The following DAB1 variants were observed in gnomAD, a reference collection of about 807,000 sequenced individuals.
DAB1 encodes disabled homolog 1.
In DAB1, 15 loss-of-function variants were observed where a neutral mutation model predicts 64.6. That is an observed-to-expected ratio of 0.23 (90% CI 0.16 to 0.36). The LOEUF (loss-of-function observed/expected upper bound fraction) is 0.36. DAB1 is among the 10% of genes least tolerant of loss of function. The pLI, the probability that DAB1 is intolerant of heterozygous loss-of-function variation, is 1.00. For synonymous variants in DAB1, 235 were observed against 251.9 expected (o/e 0.93, Z 0.64); for missense variants, 596 against 706.7 (o/e 0.84, Z 1.78).
chr1:58,392,165 C>G (rs1334771978), intron 3 of DAB1, among the ~76,000 whole-genome samples: 1 of 152,094 alleles, frequency 6.6e-6, no homozygotes, highest in Non-Finnish European at 1.5e-5. Flanking sequence ...GAGCTAAGCG[C>G]AGAGTTGAGG....
intron 9 of DAB1, among the ~76,000 whole-genome samples, chr1:57,039,598 T>G (rs910318133): frequency 6.6e-6 from 1 of 152,218 alleles, no homozygotes; most frequent in Non-Finnish European, 1.5e-5. Flanking sequence ...TCTAGGAGTC[T>G]GCCTCATCAT....
chr1:57,406,281 T>C (rs1428769849), intron 1 of DAB1, among the ~76,000 whole-genome samples: 1 of 152,226 alleles, frequency 6.6e-6, no homozygotes, highest in Non-Finnish European at 1.5e-5. Context: ...CTCAAAATAC[T>C]TAGATACTAA....
chr1:57,993,046 C>T (rs1292690679), intron 5 of DAB1, among the ~76,000 whole-genome samples: 3 of 152,142 alleles, frequency 2.0e-5, no homozygotes, highest in African/African-American at 7.2e-5. Context: ...AGTGGAGTAA[C>T]TTATCCAAGG....
intron 3 of DAB1, among the ~76,000 whole-genome samples, chr1:58,463,630 G>T (rs1645265912): frequency 6.6e-6 from 1 of 152,200 alleles, no homozygotes; most frequent in Admixed American, 6.5e-5. Context: ...GTGTGTACAT[G>T]TATCTACGGC....
At chr1:57,592,753 C>G (rs1013228697) in intron 7 of DAB1, among the ~76,000 whole-genome samples, 2 of 152,168 alleles carry the variant, frequency 1.3e-5, no homozygotes, top group Non-Finnish European at 2.9e-5. Flanking sequence ...CTCACAGTTG[C>G]AGAAGCTGCA....
rs79622483 is a variant in DAB1 at position 57,166,523 on chromosome 1, C to A, written c.68-21094G>T. Among the ~76,000 whole-genome samples the A allele has an allele frequency of 3.7e-3, 564 of 152,170 alleles. 5 individuals are homozygous for A. The highest frequency in any genetic ancestry group is 0.013 in the African/African-American group (537 of 41,522). Reference sequence around the variant, plus strand: ...ATAGAAGTCATGGCCCAGGTCAGCCCAGGAATAACTAGCATATATATTATA... The same window carrying A: ...ATAGAAGTCATGGCCCAGGTCAGCCAAGGAATAACTAGCATATATATTATA... On this transcript the variant is annotated intron_variant, in intron 2 of 14. Transcript: ENST00000371236.
chr1:57,601,153 T>C (rs1645571646), intron 7 of DAB1, among the ~76,000 whole-genome samples: 1 of 152,156 alleles, frequency 6.6e-6, no homozygotes, highest in African/African-American at 2.4e-5. Context: ...AGGCTATCAG[T>C]TCATCCACCT....
chr1:58,229,797 AGG>A (rs1405117445), intron 4 of DAB1, among the ~76,000 whole-genome samples: 1 of 152,220 alleles, frequency 6.6e-6, no homozygotes, highest in Non-Finnish European at 1.5e-5. Flanking sequence ...AAGTTACCCA[AGG>A]GGGAAGCAGT....
chr1:58,450,690 A>C (rs1645125611), intron 3 of DAB1, among the ~76,000 whole-genome samples: 3 of 152,112 alleles, frequency 2.0e-5, no homozygotes, highest in South Asian at 2.1e-4. Flanking sequence ...GGAGGCGGAG[A>C]TTGCAGTGAG....
intron 3 of DAB1, among the ~76,000 whole-genome samples, chr1:58,505,839 T>C (rs1334952634): frequency 6.6e-6 from 1 of 152,186 alleles, no homozygotes; most frequent in East Asian, 1.9e-4. Flanking sequence ...ACCTTCACTA[T>C]TAAGAAAAGT....
chr1:57,889,898 GC>G (rs142491736), intron 5 of DAB1, among the ~76,000 whole-genome samples: 8,888 of 118,150 alleles, frequency 0.075, 1,080 homozygotes, highest in African/African-American at 0.088. Flanking sequence ...ACAAACTGGG[GC>G]GGGGGGGGGG....
chr1:57,053,073 C>G (rs1649349189), intron 9 of DAB1, among the ~76,000 whole-genome samples: 1 of 152,194 alleles, frequency 6.6e-6, no homozygotes, highest in South Asian at 2.1e-4. Context: ...CTGTGAGTCT[C>G]ACAGGGCCCT....
intron 1 of DAB1, among the ~76,000 whole-genome samples, chr1:57,340,015 G>A (rs1231909568): frequency 6.6e-6 from 1 of 152,126 alleles, no homozygotes; most frequent in East Asian, 1.9e-4. Flanking sequence ...ATCCTGTAAT[G>A]AGCATTTCTG....
intron 5 of DAB1, among the ~76,000 whole-genome samples, chr1:58,064,710 TATTTATG>T (rs1450520133): frequency 0.012 from 1,204 of 99,268 alleles, 8 homozygotes; most frequent in African/African-American, 0.041. Context: ...TTTATTTATG[TATTTATG>T]TATTTATTTA....
At chr1:57,945,428 G>GTTGTTA (rs150161112) in intron 5 of DAB1, among the ~76,000 whole-genome samples, 1 of 123,834 alleles carries the variant, frequency 8.1e-6, no homozygotes, top group Non-Finnish European at 1.6e-5. Flanking sequence ...CTTGCTAATT[G>GTTGTTA]TTATTATTAT....
intron 1 of DAB1, among the ~76,000 whole-genome samples, chr1:57,829,126 T>G (rs906009152): frequency 6.6e-6 from 1 of 152,206 alleles, no homozygotes; most frequent in Non-Finnish European, 1.5e-5. Flanking sequence ...TAGCCTTAAC[T>G]GACAGGCACA....
chr1:58,215,182 G>A (rs1044555603), intron 4 of DAB1, among the ~76,000 whole-genome samples: 14 of 151,956 alleles, frequency 9.2e-5, no homozygotes, highest in African/African-American at 2.7e-4. Flanking sequence ...AATCTTCTAC[G>A]TGTCCCTTGC....
intron 5 of DAB1, among the ~76,000 whole-genome samples, chr1:57,982,816 C>T (rs1038666174): frequency 2.0e-5 from 3 of 152,180 alleles, no homozygotes; most frequent in African/African-American, 4.8e-5. Flanking sequence ...TGGGGAAATA[C>T]GTAAGATGAT....
intron 3 of DAB1, among the ~76,000 whole-genome samples, chr1:58,402,140 C>T (rs1272307602): frequency 6.6e-6 from 1 of 152,128 alleles, no homozygotes; most frequent in African/African-American, 2.4e-5. Flanking sequence ...GAGTGGACAT[C>T]TGTTGTTTTG....
Sources: gnomAD v4.1 joint callset for allele counts (sites outside exome capture counted in the v4.1 genomes callset) on GRCh38, gnomAD v4.1.1 for gene constraint, MANE v1.5 for transcripts, NCBI Gene and HGNC (gene_info 2026-07-23, HGNC 2026-07-21) for gene names.